Variants in GRK3 observed in about 807,000 individuals in gnomAD.
GRK3 encodes the protein adrenergic, beta, receptor kinase 2.
A neutral mutation model predicts 95.7 loss-of-function variants in GRK3; 54 were observed. That is an observed-to-expected ratio of 0.56 (90% confidence interval 0.45 to 0.71). The LOEUF (loss-of-function observed/expected upper bound fraction) is 0.71. Among genes scored for constraint, GRK3 ranks in the 30% least tolerant of loss-of-function variants. The pLI is 0.00. For synonymous variants in GRK3, 281 were observed against 290.8 expected (o/e 0.97, Z 0.34); for missense variants, 649 against 851.2 (o/e 0.76, Z 2.96).
At chr22:25,710,271 A>G (rs1336592597) in intron 16 of GRK3, among the ~76,000 whole-genome samples, 1 of 152,190 alleles carries the variant, frequency 6.6e-6, no homozygotes, top group Non-Finnish European at 1.5e-5. Context: ...AGTTAATTCA[A>G]ATGCACATAT....
chr22:25,700,915 G>A (rs972751566), intron 13 of GRK3, among the ~76,000 whole-genome samples: 1 of 152,202 alleles, frequency 6.6e-6, no homozygotes, highest in Non-Finnish European at 1.5e-5. Context: ...AACTTTTGAT[G>A]TGAGAGTTTT....
rs556169502 is a variant in GRK3 at position 25,689,278 on chromosome 22, C to T, written c.958-911C>T. On this transcript the variant is annotated intron_variant, in intron 11 of 20. Coordinates refer to ENST00000324198, the MANE Select transcript of GRK3 (RefSeq NM_005160.4). ...TGCAAAAGAACAAAACACATGCTGA[C>T]GGCCCATGAAGCGCTATTGTAATAC... Among the ~76,000 whole-genome samples the T allele has an allele frequency of 7.2e-5, 11 of 152,232 alleles. No individual in the cohort carries two copies. In the East Asian group the frequency reaches 1.5e-3, roughly 21 times the overall value.
At chr22:25,709,596 TTGTGTG>T in intron 15 of GRK3, among the ~76,000 whole-genome samples, 1 of 150,598 alleles carries the variant, frequency 6.6e-6, no homozygotes, top group Non-Finnish European at 1.5e-5. Flanking sequence ...TATAGAATTA[TTGTGTG>T]TGTGTGTGTG....
At position 25,718,363 on chromosome 22, in the gene GRK3, A is replaced by G; in HGVS notation, c.1773A>G (p.Arg591=). 1 of 1,614,024 alleles carries G rather than the reference A, an allele frequency of 6.2e-7. No homozygotes were observed. The highest frequency in any genetic ancestry group is 8.5e-7 in the Non-Finnish European group (1 of 1,179,968). The part of the protein sequence containing the change: ...FYLFPNRLEW[R]GEGESRQNLL... ...TCTTTCCAAATAGACTTGAATGGAG[A>G]GGAGAGGGAGAGTCCCGGGTAAGTC... The change falls in exon 19 of 21, where the codon AGA becomes AGG. Residue 591 remains arginine, a synonymous_variant. Coordinates refer to ENST00000324198, the MANE Select transcript of GRK3 (RefSeq NM_005160.4).
chr22:25,589,058 G>A (rs998466252), intron 1 of GRK3, among the ~76,000 whole-genome samples: 3 of 152,102 alleles, frequency 2.0e-5, no homozygotes, highest in African/African-American at 7.2e-5. Context: ...GAGCCACCAA[G>A]CCCACTCACT....
At chr22:25,703,753 T>C (rs2085277008) in intron 14 of GRK3, among the ~76,000 whole-genome samples, 177 bp downstream of exon 14, 1 of 152,218 alleles carries the variant, frequency 6.6e-6, no homozygotes, top group African/African-American at 2.4e-5. Flanking sequence ...TAAAAGAATT[T>C]CTAGGGGAAA....
intron 6 of GRK3, among the ~76,000 whole-genome samples, chr22:25,668,996 C>T (rs1442506186): frequency 6.6e-6 from 1 of 152,128 alleles, no homozygotes; most frequent in Non-Finnish European, 1.5e-5. Context: ...TTTAGGCAAG[C>T]AGGCACATGG....
At chr22:25,619,153 GGT>G (rs1287598611) in intron 2 of GRK3, among the ~76,000 whole-genome samples, 1 of 152,084 alleles carries the variant, frequency 6.6e-6, no homozygotes, top group Non-Finnish European at 1.5e-5. Flanking sequence ...ATAACTTCAT[GGT>G]GCAACACAAA....
chr22:25,684,920 C>CT (rs1744656209), intron 9 of GRK3, among the ~76,000 whole-genome samples: 1 of 152,128 alleles, frequency 6.6e-6, no homozygotes, highest in African/African-American at 2.4e-5. Context: ...AGAAGAGAGA[C>CT]TTTTGAAGGT....
At chr22:25,696,448 A>G (rs2085209557) in intron 13 of GRK3, among the ~76,000 whole-genome samples, 1 of 152,246 alleles carries the variant, frequency 6.6e-6, no homozygotes, top group Non-Finnish European at 1.5e-5. Context: ...CTCATATTAA[A>G]CACTTAACAA....
At chr22:25,610,239 G>C (rs2084486552) in intron 2 of GRK3, among the ~76,000 whole-genome samples, 1 of 152,124 alleles carries the variant, frequency 6.6e-6, no homozygotes, top group Admixed American at 6.5e-5. Context: ...GAGGCAGGAG[G>C]ATCACTTGAG....
chr22:25,672,845 C>G (rs969416992), intron 7 of GRK3, among the ~76,000 whole-genome samples: 9 of 152,076 alleles, frequency 5.9e-5, no homozygotes, highest in Non-Finnish European at 1.2e-4. Flanking sequence ...ACGTCATCTC[C>G]TTAGTGTTTC....
At chr22:25,592,539 CTT>C (rs1400107074) in intron 1 of GRK3, among the ~76,000 whole-genome samples, 1 of 152,010 alleles carries the variant, frequency 6.6e-6, no homozygotes, top group Non-Finnish European at 1.5e-5. Flanking sequence ...TGTCTAAAGT[CTT>C]TGCTTGAACT....
intron 3 of GRK3, chr22:25,648,991 C>A: frequency 9.3e-7 from 1 of 1,079,598 alleles, no homozygotes; most frequent in Non-Finnish European, 1.4e-6. Flanking sequence ...ATTCTACAGA[C>A]AGAACTGGTA....
intron 2 of GRK3, among the ~76,000 whole-genome samples, chr22:25,620,804 C>T (rs2084579245): frequency 6.6e-6 from 1 of 152,108 alleles, no homozygotes; most frequent in Non-Finnish European, 1.5e-5. Flanking sequence ...TTGATTGCTG[C>T]TAGGCAAGAA....
At chr22:25,613,909 CTTT>C (rs879804686) in intron 2 of GRK3, among the ~76,000 whole-genome samples, 2 of 142,024 alleles carry the variant, frequency 1.4e-5, no homozygotes, top group Admixed American at 7.1e-5. Flanking sequence ...TGGTTGTCTT[CTTT>C]TTTTTTTTTT....
At chr22:25,715,005 T>G (rs546449812) in intron 18 of GRK3, 1 of 153,312 alleles carries the variant, frequency 6.5e-6, no homozygotes. Flanking sequence ...CATTTTGCAC[T>G]GGGGCCCGAG....
At chr22:25,621,229 C>T (rs2084583518) in intron 2 of GRK3, among the ~76,000 whole-genome samples, 1 of 152,230 alleles carries the variant, frequency 6.6e-6, no homozygotes. Context: ...TAATTTCCAT[C>T]TAAAATTTTA....
rs762665668 is a variant in GRK3, at chr22:25,678,808, G to A, written c.648-8G>A. ...GGCATAGATTTTTCAATAAATTTATGTTTCTAGGTATGCAATGAAATGCTT... is the reference window on the plus strand; with the variant it reads ...GGCATAGATTTTTCAATAAATTTATATTTCTAGGTATGCAATGAAATGCTT... On this transcript the variant is annotated splice_region_variant and splice_polypyrimidine_tract_variant and intron_variant, in intron 8 of 20. Transcript: ENST00000324198. The A allele has an allele frequency of 4.0e-6, 6 of 1,512,046 alleles. No individual in the cohort carries two copies. The highest frequency in any genetic ancestry group is 5.5e-6 in the Non-Finnish European group (6 of 1,098,594). The allele number at this position is 1,512,046 out of a possible 1,614,324, so 93.7% of individuals were successfully genotyped here. A position where few individuals can be genotyped will look rare whatever the true frequency, so the allele number is the denominator to read the frequency against.
Sources: gnomAD v4.1 joint callset for allele counts (sites outside exome capture counted in the v4.1 genomes callset) on GRCh38, gnomAD v4.1.1 for gene constraint, MANE v1.5 for transcripts, NCBI Gene and HGNC (gene_info 2026-07-23, HGNC 2026-07-21) for gene names.